MAPK8: variants seen among roughly 807,000 people sequenced by gnomAD.
The protein encoded by MAPK8 is mitogen-activated protein kinase 8.
In MAPK8, 13 loss-of-function variants were observed where a neutral mutation model predicts 52.9. That is an observed-to-expected ratio of 0.25 (90% CI 0.16 to 0.39). The LOEUF (loss-of-function observed/expected upper bound fraction) is 0.39, where lower values mean the gene tolerates loss of function less well. MAPK8 is among the 10% of genes least tolerant of loss of function. The probability of loss-of-function intolerance (pLI) is 1.00; values close to 1 mark genes in which losing one functional copy is unlikely to be tolerated. For synonymous variants in MAPK8, 191 were observed against 169.8 expected (o/e 1.12, Z -0.97); for missense variants, 300 against 519.2 (o/e 0.58, Z 4.10).
At chr10:48,392,408 C>CTA (rs2041672553) in intron 1 of MAPK8, among the ~76,000 whole-genome samples, 1 of 152,006 alleles carries the variant, frequency 6.6e-6, no homozygotes, top group African/African-American at 2.4e-5. Context: ...GGATGAAAAC[C>CTA]TATATATATG....
chr10:48,326,371 C>T (rs1234240542), intron 1 of MAPK8, among the ~76,000 whole-genome samples: 1 of 152,192 alleles, frequency 6.6e-6, no homozygotes, highest in African/African-American at 2.4e-5. Flanking sequence ...GTGCCTGTGA[C>T]ATACTTCCAT....
intron 1 of MAPK8, among the ~76,000 whole-genome samples, chr10:48,382,064 G>A (rs941762742): frequency 6.6e-6 from 1 of 152,146 alleles, no homozygotes; most frequent in Admixed American, 6.5e-5. Context: ...GCCAGAGGGA[G>A]TACCACATAT....
intron 10 of MAPK8, chr10:48,430,131 T>G (rs1161295475): frequency 1.3e-5 from 2 of 152,320 alleles, no homozygotes; most frequent in African/African-American, 4.8e-5. Context: ...CCTTGCTCCG[T>G]TGCCCAGGCT....
chr10:48,348,298 G>C (rs1845981496), intron 1 of MAPK8, among the ~76,000 whole-genome samples: 1 of 152,186 alleles, frequency 6.6e-6, no homozygotes, highest in East Asian at 1.9e-4. Flanking sequence ...CCCTTTGTCA[G>C]ATGGATAGAT....
intron 1 of MAPK8, among the ~76,000 whole-genome samples, chr10:48,375,592 AACAG>A (rs1225329182): frequency 3.3e-5 from 5 of 152,300 alleles, no homozygotes; most frequent in South Asian, 2.1e-4. Flanking sequence ...ATACATCAAT[AACAG>A]ACAGACAGCC....
rs1401166808 is a variant in MAPK8, at chr10:48,435,758, A to G, written c.*729A>G. Reference sequence around the variant, plus strand: ...CCCACCCTACCCAACAAAAATAAGTAAAAAGAATATGGTGTATTCTACAAA... The same window carrying G: ...CCCACCCTACCCAACAAAAATAAGTGAAAAGAATATGGTGTATTCTACAAA... On this transcript the variant is annotated 3_prime_UTR_variant, in exon 12 of 12. Transcript: ENST00000374189. 1.3e-5 allele frequency: 2 copies of G among 152,244 alleles called. No homozygotes were observed. The highest frequency in any genetic ancestry group is 4.8e-5 in the African/African-American group (2 of 41,456). 9.4% of individuals were successfully genotyped at this position (152,244 alleles called of 1,614,324 possible).
intron 1 of MAPK8, chr10:48,325,992 C>T (rs1488757473): frequency 6.6e-6 from 1 of 152,126 alleles, no homozygotes; most frequent in Non-Finnish European, 1.5e-5. Context: ...TAATTTATGA[C>T]TTGATTTTGA....
intron 1 of MAPK8, among the ~76,000 whole-genome samples, chr10:48,353,541 A>G (rs1256796846): frequency 6.6e-6 from 1 of 152,222 alleles, no homozygotes; most frequent in Non-Finnish European, 1.5e-5. Context: ...GCAACAAAAT[A>G]AACCTTGACC....
chr10:48,413,525 G>A (rs564697257), intron 5 of MAPK8, among the ~76,000 whole-genome samples: 1 of 151,936 alleles, frequency 6.6e-6, no homozygotes, highest in South Asian at 2.1e-4. Flanking sequence ...TCTTGGTTCT[G>A]AGTTCACTTG....
intron 1 of MAPK8, among the ~76,000 whole-genome samples, chr10:48,317,659 T>C (rs144855974): frequency 6.6e-6 from 1 of 152,262 alleles, no homozygotes; most frequent in Non-Finnish European, 1.5e-5. Context: ...GGTAGAGAGT[T>C]TGGCCCTCAG....
chr10:48,342,567 A>C (rs951815277), intron 1 of MAPK8, among the ~76,000 whole-genome samples: 3 of 152,244 alleles, frequency 2.0e-5, no homozygotes, highest in African/African-American at 7.2e-5. Context: ...CAAACCTATT[A>C]GGGAACTATT....
intron 1 of MAPK8, among the ~76,000 whole-genome samples, chr10:48,333,370 C>T (rs1188299239): frequency 6.6e-6 from 1 of 152,216 alleles, no homozygotes; most frequent in African/African-American, 2.4e-5. Context: ...GTCTCCTCTA[C>T]CAGCAGGTCT....
chr10:48,378,916 C>T (rs956026014), intron 1 of MAPK8, among the ~76,000 whole-genome samples: 5 of 152,328 alleles, frequency 3.3e-5, no homozygotes, highest in African/African-American at 9.6e-5. Context: ...GCACAAGCCA[C>T]TACACCCATC....
intron 1 of MAPK8, among the ~76,000 whole-genome samples, chr10:48,342,293 A>G (rs1306381954): frequency 6.6e-6 from 1 of 151,958 alleles, no homozygotes; most frequent in Non-Finnish European, 1.5e-5. Context: ...TTGTAGAGAC[A>G]AGGTCTCACC....
intron 1 of MAPK8, among the ~76,000 whole-genome samples, chr10:48,322,903 G>A (rs1843129153): frequency 6.6e-6 from 1 of 152,034 alleles, no homozygotes; most frequent in South Asian, 2.1e-4. Context: ...ATTTTTTCTG[G>A]GGACTTGGGC....
intron 1 of MAPK8, among the ~76,000 whole-genome samples, chr10:48,366,607 A>G (rs941634361): frequency 1.3e-5 from 2 of 152,202 alleles, no homozygotes; most frequent in African/African-American, 4.8e-5. Context: ...AATCTGATTG[A>G]ACAGTATAAA....
In MAPK8 at chr10:48,426,082, A is replaced by G. The variant is rs886949060; in HGVS notation, c.871+12A>G. ...CAACAAACTTAAAGGTACTTTTTAC[A>G]AATATGTACATTTAATCCCATTTGG... On this transcript the variant is annotated intron_variant, in intron 8 of 11. Coordinates refer to ENST00000374189, the MANE Select transcript of MAPK8 (RefSeq NM_001323329.2). 3 of 1,598,978 alleles carry G rather than the reference A, an allele frequency of 1.9e-6. No homozygotes were observed. The highest frequency in any genetic ancestry group is 2.6e-6 in the Non-Finnish European group (3 of 1,171,072).
At chr10:48,324,523 A>G (rs1230455829) in intron 1 of MAPK8, among the ~76,000 whole-genome samples, 1 of 69,136 alleles carries the variant, frequency 1.4e-5, no homozygotes, top group Non-Finnish European at 2.4e-5. Flanking sequence ...TTTTTTTTAC[A>G]CTCATGATAT....
At chr10:48,404,419 G>A (rs2042348150) in intron 2 of MAPK8, among the ~76,000 whole-genome samples, 1 of 152,092 alleles carries the variant, frequency 6.6e-6, no homozygotes, top group Non-Finnish European at 1.5e-5. Context: ...ACCTCCCAAA[G>A]TGCTGGGATT....
Sources: gnomAD v4.1 joint callset for allele counts (sites outside exome capture counted in the v4.1 genomes callset) on GRCh38, gnomAD v4.1.1 for gene constraint, MANE v1.5 for transcripts, NCBI Gene and HGNC (gene_info 2026-07-23, HGNC 2026-07-21) for gene names.